The following CDC14B variants were observed in gnomAD, a reference collection of about 807,000 sequenced individuals.
The protein encoded by CDC14B is cell division cycle 14B, also known as dual specificity protein phosphatase CDC14B.
A neutral mutation model predicts 64.2 loss-of-function variants in CDC14B; 22 were observed. The ratio of observed to expected loss-of-function variants is 0.34; its 90% CI spans 0.24 to 0.49. CDC14B has a LOEUF of 0.49. Among genes scored for constraint, CDC14B ranks in the 20% least tolerant of loss-of-function variants. CDC14B has a pLI of 0.99. For synonymous variants in CDC14B, 191 were observed against 215.8 expected (o/e 0.89, Z 1.01); for missense variants, 498 against 629.9 (o/e 0.79, Z 2.24).
At chr9:96,580,089 A>T (rs912818972) in intron 1 of CDC14B, among the ~76,000 whole-genome samples, 3 of 152,186 alleles carry the variant, frequency 2.0e-5, no homozygotes, top group African/African-American at 4.8e-5. Context: ...AGATGACCAA[A>T]ATCCATGTGA....
At chr9:96,593,049 G>A (rs1212829899) in intron 1 of CDC14B, among the ~76,000 whole-genome samples, 1 of 152,108 alleles carries the variant, frequency 6.6e-6, no homozygotes, top group African/African-American at 2.4e-5. Context: ...CTCAGAAAAT[G>A]GTTCATATGT....
At chr9:96,615,937 A>G (rs991078498) in intron 1 of CDC14B, among the ~76,000 whole-genome samples, 2 of 152,234 alleles carry the variant, frequency 1.3e-5, no homozygotes, top group African/African-American at 4.8e-5. Flanking sequence ...ATGCTACTGC[A>G]GCCATTTGCA....
chr9:96,549,669 A>G (rs555530064), intron 5 of CDC14B, among the ~76,000 whole-genome samples: 4 of 152,140 alleles, frequency 2.6e-5, no homozygotes, highest in Non-Finnish European at 5.9e-5. Flanking sequence ...GTCTAAAAAA[A>G]AAAAAAGAAA....
chr9:96,525,832 G>A (rs1234897479), intron 9 of CDC14B, among the ~76,000 whole-genome samples: 4 of 152,124 alleles, frequency 2.6e-5, no homozygotes, highest in Non-Finnish European at 5.9e-5. Context: ...AGTTGATGCC[G>A]GAATGAATTG....
chr9:96,576,619 C>T (rs1292221863), intron 1 of CDC14B, among the ~76,000 whole-genome samples: 3 of 121,296 alleles, frequency 2.5e-5, no homozygotes, highest in South Asian at 2.8e-4. Context: ...GGCGACAGAG[C>T]GAGACTCCAT....
intron 1 of CDC14B, among the ~76,000 whole-genome samples, chr9:96,588,158 C>T (rs1845564411): frequency 6.6e-6 from 1 of 152,132 alleles, no homozygotes; most frequent in Admixed American, 6.5e-5. Context: ...CAGGAAGCAG[C>T]AGAACTGTGT....
chr9:96,619,301 C>A lies in CDC14B; in HGVS notation c.78G>T (p.Pro26=). Reference sequence around the variant, plus strand: ...TGGAGCTGCGGATCTTCTTCACACCCGGCGAGGTCGACGAGCAGCGCCGCG... The same window carrying A: ...TGGAGCTGCGGATCTTCTTCACACCAGGCGAGGTCGACGAGCAGCGCCGCG... ...PCSRRCSSTS[P]GVKKIRSSTQ... is the part of the protein sequence containing the mutation. The change falls in exon 1 of 14, where the codon CCG becomes CCT. Residue 26 remains proline, a synonymous_variant. Transcript: ENST00000375241. The A allele has an allele frequency of 7.6e-7, 1 of 1,320,658 alleles. No homozygotes were observed. Among genetic ancestry groups the A allele is most frequent in the Non-Finnish European group, 9.7e-7 (1 of 1,031,640 alleles). The allele number at this position is 1,320,658 out of a possible 1,614,324, so 81.8% of individuals were successfully genotyped here.
intron 1 of CDC14B, among the ~76,000 whole-genome samples, chr9:96,570,600 CCA>C (rs2117985950): frequency 6.6e-6 from 1 of 152,312 alleles, no homozygotes; most frequent in South Asian, 2.1e-4. Flanking sequence ...TCTGTATTAG[CCA>C]CTTGTTTTTT....
At chr9:96,529,489 C>CATTTTT (rs1564255829) in intron 9 of CDC14B, among the ~76,000 whole-genome samples, 3 of 145,156 alleles carry the variant, frequency 2.1e-5, no homozygotes, top group African/African-American at 8.0e-5. Flanking sequence ...TTGTACTAAG[C>CATTTTT]CTTTTTTTTT....
intron 4 of CDC14B, among the ~76,000 whole-genome samples, chr9:96,558,684 C>T (rs1842790373): frequency 6.6e-6 from 1 of 152,164 alleles, no homozygotes; most frequent in Admixed American, 6.5e-5. Flanking sequence ...TTGAAAAGCA[C>T]TTAAAATTTT....
At chr9:96,559,973 T>C (rs1219326359) in intron 4 of CDC14B, among the ~76,000 whole-genome samples, 1 of 152,170 alleles carries the variant, frequency 6.6e-6, no homozygotes, top group African/African-American at 2.4e-5. Context: ...TTTCAATACA[T>C]ACGTCAAGGG....
At chr9:96,593,039 C>T (rs1845874972) in intron 1 of CDC14B, among the ~76,000 whole-genome samples, 1 of 152,066 alleles carries the variant, frequency 6.6e-6, no homozygotes, top group African/African-American at 2.4e-5. Context: ...TTGTTAACTG[C>T]TCAGAAAATG....
At chr9:96,560,543 C>T (rs1564338354) in intron 4 of CDC14B, among the ~76,000 whole-genome samples, 1 of 150,364 alleles carries the variant, frequency 6.7e-6, no homozygotes, top group African/African-American at 2.5e-5. Flanking sequence ...TCTCCATACT[C>T]TTTTTCTTTC....
chr9:96,536,651 G>C (rs73654896), intron 7 of CDC14B, among the ~76,000 whole-genome samples: 1 of 152,260 alleles, frequency 6.6e-6, no homozygotes, highest in African/African-American at 2.4e-5. Context: ...TCAGTTAAAC[G>C]TAAGAGTTTG....
intron 4 of CDC14B, among the ~76,000 whole-genome samples, chr9:96,552,112 T>C (rs947895109): frequency 7.2e-5 from 11 of 152,232 alleles, no homozygotes; most frequent in Non-Finnish European, 1.5e-4. Context: ...AGCAACCTTT[T>C]GTGGTAAGAA....
At chr9:96,579,976 G>A (rs1845046916) in intron 1 of CDC14B, among the ~76,000 whole-genome samples, 1 of 151,646 alleles carries the variant, frequency 6.6e-6, no homozygotes, top group African/African-American at 2.4e-5. Context: ...ATATAACAAG[G>A]ACTATATATA....
chr9:96,519,053 A>G (rs900648445), intron 12 of CDC14B, among the ~76,000 whole-genome samples: 15 of 151,908 alleles, frequency 9.9e-5, no homozygotes, highest in South Asian at 2.1e-4. Context: ...GGAGAATGGC[A>G]TGATCCCAGG....
intron 9 of CDC14B, among the ~76,000 whole-genome samples, chr9:96,529,367 T>C (rs189066663): frequency 2.0e-5 from 3 of 152,310 alleles, no homozygotes; most frequent in Middle Eastern, 3.4e-3. Context: ...TGTATCCTTC[T>C]TGAATGTCAT....
intron 9 of CDC14B, 112 bp downstream of exon 9, chr9:96,533,815 A>C (rs1433236317): frequency 1.9e-5 from 12 of 626,886 alleles, no homozygotes; most frequent in Non-Finnish European, 2.9e-5. Flanking sequence ...CGGCACTCTA[A>C]AAATAAAGGC....
Sources: allele counts gnomAD v4.1 joint callset (sites outside exome capture counted in the v4.1 genomes callset), GRCh38; gene constraint gnomAD v4.1.1; transcripts MANE v1.5; gene names NCBI Gene and HGNC (gene_info 2026-07-23, HGNC 2026-07-21).